HYDIN: variants seen among roughly 807,000 people sequenced by gnomAD.
The protein encoded by HYDIN is HYDIN axonemal central pair apparatus protein.
Under a neutral mutation model 403.9 loss-of-function variants are expected in HYDIN, and 132 were observed. The ratio of observed to expected loss-of-function variants is 0.33; its 90% CI spans 0.28 to 0.38. The LOEUF is 0.38. HYDIN is among the 10% of genes least tolerant of loss of function. The probability of loss-of-function intolerance (pLI) is 1.00; values close to 1 mark genes in which losing one functional copy is unlikely to be tolerated. For missense variants in HYDIN, 2,827 were observed against 5,009.5 expected (o/e 0.56, Z 13.15); for synonymous variants, 1,202 against 1,891.7 (o/e 0.64, Z 9.46).
chr16:71,061,757 CT>C (rs2082086957), intron 17 of HYDIN, among the ~76,000 whole-genome samples: 1 of 151,524 alleles, frequency 6.6e-6, no homozygotes, highest in Admixed American at 6.6e-5. Context: ...AACCAAGGAG[CT>C]TATTAAAAAT....
At chr16:71,185,330 C>T (rs1223862560) in intron 2 of HYDIN, among the ~76,000 whole-genome samples, 1 of 152,144 alleles carries the variant, frequency 6.6e-6, no homozygotes, top group Non-Finnish European at 1.5e-5. Flanking sequence ...GGCATCTGTG[C>T]ATAAAACTCT....
intron 18 of HYDIN, among the ~76,000 whole-genome samples, chr16:71,059,081 TAGC>T (rs1362231603): frequency 6.6e-6 from 1 of 152,244 alleles, no homozygotes; most frequent in Non-Finnish European, 1.5e-5. Context: ...AGTAGGCTGT[TAGC>T]AGATAAGTTT....
chr16:70,918,162 C>A (rs12102859), intron 47 of HYDIN, 49 bp downstream of exon 47: 2 of 487,728 alleles, frequency 4.1e-6, no homozygotes, highest in Non-Finnish European at 3.8e-6. Context: ...TCTCTCCCTG[C>A]CTGCTGAAGT....
At chr16:70,995,058 G>A (rs1272270494) in intron 23 of HYDIN, among the ~76,000 whole-genome samples, 1 of 152,060 alleles carries the variant, frequency 6.6e-6, no homozygotes, top group Non-Finnish European at 1.5e-5. Flanking sequence ...GAAGTAAGAG[G>A]TCTTTCTGGA....
chr16:70,910,336 G>T (rs906550549), intron 47 of HYDIN, among the ~76,000 whole-genome samples: 1 of 151,958 alleles, frequency 6.6e-6, no homozygotes, highest in Admixed American at 6.6e-5. Context: ...AACATACGAT[G>T]TTTCCCATTC....
intron 76 of HYDIN, among the ~76,000 whole-genome samples, chr16:70,839,430 T>G (rs1448420113): frequency 6.7e-6 from 1 of 148,354 alleles, no homozygotes; most frequent in African/African-American, 2.6e-5. Flanking sequence ...AAAAAATCAG[T>G]TCTTTAGTTT....
intron 10 of HYDIN, among the ~76,000 whole-genome samples, chr16:71,110,387 ATTTT>A (rs2144442442): frequency 7.1e-6 from 1 of 141,318 alleles, no homozygotes; most frequent in African/African-American, 2.6e-5. Context: ...AAATACATAT[ATTTT>A]ATATATATAT....
chr16:70,884,738 G>C (rs2041025748), intron 58 of HYDIN, among the ~76,000 whole-genome samples: 1 of 146,488 alleles, frequency 6.8e-6, no homozygotes, highest in South Asian at 2.3e-4. Flanking sequence ...AACAAAACAG[G>C]ATGTTGGTGC....
intron 1 of HYDIN, among the ~76,000 whole-genome samples, chr16:71,201,888 T>C (rs914664138): frequency 5.3e-5 from 8 of 152,366 alleles, no homozygotes; most frequent in African/African-American, 1.9e-4. Flanking sequence ...TTATAAATAA[T>C]TGCAGTCCAT....
chr16:71,168,779 G>T (rs912016878), intron 5 of HYDIN, among the ~76,000 whole-genome samples: 1 of 152,128 alleles, frequency 6.6e-6, no homozygotes, highest in African/African-American at 2.4e-5. Flanking sequence ...CAGGTGCCTT[G>T]GAGTCCTACT....
At position 71,003,798 on chromosome 16, in the gene HYDIN, C is replaced by CA. The variant is rs56343756; in HGVS notation, c.3645-11589dup. Among the ~76,000 whole-genome samples, 848 of 120,890 alleles carry CA rather than the reference C, an allele frequency of 7.0e-3. 5 individuals are homozygous for CA. Among genetic ancestry groups the CA allele is most frequent in the East Asian group, 0.01 (43 of 4,204 alleles). 79.3% of individuals were successfully genotyped at this position (120,890 alleles called of 152,430 possible). A position where few individuals can be genotyped will look rare whatever the true frequency, so the allele number is the denominator to read the frequency against. On this transcript the variant is annotated intron_variant, in intron 23 of 85. Coordinates refer to ENST00000393567, the MANE Select transcript of HYDIN (RefSeq NM_001270974.2). ...CAGGGGACAGGGCGAGACTCCATCT[C>CA]AAAAAAAAAAAAAATGCAATTGAAT...
At chr16:71,026,926 G>A (rs1258574566) in intron 20 of HYDIN, among the ~76,000 whole-genome samples, 9 of 152,006 alleles carry the variant, frequency 5.9e-5, no homozygotes, top group Non-Finnish European at 2.9e-5. Context: ...TCATCTACAA[G>A]GTCTGCATTT....
At chr16:70,856,913 A>T (rs2039060279) in intron 72 of HYDIN, among the ~76,000 whole-genome samples, 1 of 152,238 alleles carries the variant, frequency 6.6e-6, no homozygotes, top group Non-Finnish European at 1.5e-5. Context: ...TGGTGGATTT[A>T]CTATAAAGAA....
chr16:71,151,873 A>C (rs1278264869), intron 7 of HYDIN, among the ~76,000 whole-genome samples: 4 of 152,122 alleles, frequency 2.6e-5, no homozygotes, highest in Admixed American at 2.6e-4. Context: ...TGTGGCCTTC[A>C]AGAAAATACT....
intron 11 of HYDIN, among the ~76,000 whole-genome samples, chr16:71,092,333 C>T (rs536508495): frequency 7.2e-5 from 11 of 152,162 alleles, no homozygotes; most frequent in Non-Finnish European, 1.5e-4. Context: ...AAGCATGAGA[C>T]GTTCCAGCTT....
chr16:70,849,446 A>G (rs1369503540), intron 75 of HYDIN, among the ~76,000 whole-genome samples: 1 of 152,146 alleles, frequency 6.6e-6, no homozygotes, highest in African/African-American at 2.4e-5. Context: ...CATCTTAGAA[A>G]ACGTTGTACA....
rs202185031 is a variant in HYDIN, at chr16:71,105,932, A to C, written c.1327+9764T>G. On this transcript the variant is annotated intron_variant, in intron 10 of 85. Transcript: ENST00000393567. ...TTATAAATATCTAGCATACAGATTT[A>C]ACTATTTCTAAGAAAACAGAATGAC... Among the ~76,000 whole-genome samples, 1,686 of 132,750 alleles carry C rather than the reference A, an allele frequency of 0.013. 97 individuals are homozygous for C. The East Asian group carries it at 0.14, about 11-fold the overall frequency. 87.1% of individuals were successfully genotyped at this position (132,750 alleles called of 152,430 possible).
chr16:71,094,708 C>T (rs1369386848), intron 10 of HYDIN, among the ~76,000 whole-genome samples: 9 of 152,290 alleles, frequency 5.9e-5, no homozygotes, highest in Non-Finnish European at 8.8e-5. Context: ...AATGCACTTG[C>T]ATGGAGTCAA....
chr16:70,926,806 A>G lies in HYDIN; in HGVS notation c.7159-5589T>C, dbSNP rs1311158782. ...GAGAATTTTAAAGAGAACTAGAAAT[A>G]GTAAGAAAAGAATTAATGGCTTTTT... On this transcript the variant is annotated intron_variant, in intron 45 of 85. Coordinates refer to ENST00000393567, the MANE Select transcript of HYDIN (RefSeq NM_001270974.2). Among the ~76,000 whole-genome samples the G allele has an allele frequency of 1.1e-4, 16 of 151,956 alleles. No homozygotes were observed. The East Asian group carries it at 3.1e-3, about 29-fold the overall frequency.
Sources: gnomAD v4.1 joint callset for allele counts (sites outside exome capture counted in the v4.1 genomes callset) on GRCh38, gnomAD v4.1.1 for gene constraint, MANE v1.5 for transcripts, NCBI Gene and HGNC (gene_info 2026-07-23, HGNC 2026-07-21) for gene names.